LIN9: variants seen among roughly 807,000 people sequenced by gnomAD.
LIN9 encodes protein lin-9 homolog.
LIN9 carries 18 observed loss-of-function variants against 78.0 expected under a neutral mutation model. The ratio of observed to expected loss-of-function variants is 0.23; its 90% CI spans 0.16 to 0.34. The LOEUF (loss-of-function observed/expected upper bound fraction) is 0.34, where lower values mean the gene tolerates loss of function less well. Ranked by LOEUF, LIN9 falls within the 10% of genes least tolerant of loss-of-function variation. The probability of loss-of-function intolerance (pLI) is 1.00; values close to 1 mark genes in which losing one functional copy is unlikely to be tolerated. For synonymous variants in LIN9, 192 were observed against 215.2 expected (o/e 0.89, Z 0.94); for missense variants, 451 against 644.1 (o/e 0.70, Z 3.25).
intron 11 of LIN9, among the ~76,000 whole-genome samples, chr1:226,240,386 G>GTT (rs34988388): frequency 8.9e-5 from 11 of 123,980 alleles, no homozygotes; most frequent in South Asian, 2.7e-4. Context: ...CTTGTTCTAA[G>GTT]TTTTTTTTTT....
chr1:226,288,966 C>T (rs1002460124), intron 4 of LIN9, among the ~76,000 whole-genome samples: 2 of 152,150 alleles, frequency 1.3e-5, no homozygotes, highest in Admixed American at 1.3e-4. Flanking sequence ...ATGCTGGGCG[C>T]AGTGGCTCAC....
intron 2 of LIN9, among the ~76,000 whole-genome samples, chr1:226,298,756 G>A (rs1417209482): frequency 1.3e-5 from 2 of 152,008 alleles, no homozygotes; most frequent in African/African-American, 4.8e-5. Flanking sequence ...AGCTATTCAG[G>A]AGGCTGAGGC....
At chr1:226,256,214 C>G (rs1659180911) in intron 10 of LIN9, among the ~76,000 whole-genome samples, 1 of 151,782 alleles carries the variant, frequency 6.6e-6, no homozygotes, top group Non-Finnish European at 1.5e-5. Flanking sequence ...AAAACCCCAT[C>G]TCTACATACT....
chr1:226,302,557 A>AC (rs577533637), intron 1 of LIN9, among the ~76,000 whole-genome samples: 61 of 152,104 alleles, frequency 4.0e-4, no homozygotes, highest in African/African-American at 1.4e-3. Flanking sequence ...CAAAAAAAAA[A>AC]AAAAAACAAA....
At chr1:226,270,717 T>C (rs1278906072) in intron 7 of LIN9, among the ~76,000 whole-genome samples, 2 of 148,036 alleles carry the variant, frequency 1.4e-5, no homozygotes, top group East Asian at 4.0e-4. Context: ...CCCTGGAGGC[T>C]GAGGTGGGAG....
At chr1:226,287,557 A>G (rs1661448615) in intron 5 of LIN9, 107 bp downstream of exon 5, 2 of 695,364 alleles carry the variant, frequency 2.9e-6, no homozygotes. Flanking sequence ...GAATTTAGAG[A>G]AAAATAAGAT....
chr1:226,307,081 A>G (rs1326462971), intron 1 of LIN9, among the ~76,000 whole-genome samples: 1 of 152,248 alleles, frequency 6.6e-6, no homozygotes, highest in Non-Finnish European at 1.5e-5. Flanking sequence ...AAGTCCCTAC[A>G]AAGAACCACA....
At chr1:226,272,937 C>G (rs1010563035) in intron 7 of LIN9, among the ~76,000 whole-genome samples, 1 of 152,094 alleles carries the variant, frequency 6.6e-6, no homozygotes. Context: ...GTCTTTTTCT[C>G]AATCCTTTGA....
At chr1:226,241,675 G>A (rs1381618996) in intron 11 of LIN9, among the ~76,000 whole-genome samples, 2 of 152,030 alleles carry the variant, frequency 1.3e-5, no homozygotes, top group African/African-American at 2.4e-5. Context: ...TGGCTAACAC[G>A]GTGAAACCCC....
At chr1:226,260,987 T>C (rs1266179158) in intron 10 of LIN9, among the ~76,000 whole-genome samples, 1 of 151,782 alleles carries the variant, frequency 6.6e-6, no homozygotes, top group African/African-American at 2.4e-5. Context: ...GATTCAATGT[T>C]TGAAAATTAA....
intron 7 of LIN9, among the ~76,000 whole-genome samples, chr1:226,275,521 C>T (rs1660588916): frequency 6.6e-6 from 1 of 150,962 alleles, no homozygotes; most frequent in Admixed American, 6.6e-5. Context: ...TGGTGAAACC[C>T]CGTCTCTACT....
At chr1:226,255,282 A>G (rs1373443189) in intron 10 of LIN9, among the ~76,000 whole-genome samples, 2 of 152,148 alleles carry the variant, frequency 1.3e-5, no homozygotes, top group South Asian at 2.1e-4. Context: ...ATTAAGATGG[A>G]GCATTCTGTT....
chr1:226,259,666 TAAATA>T (rs1430722754), intron 10 of LIN9, among the ~76,000 whole-genome samples: 1 of 152,100 alleles, frequency 6.6e-6, no homozygotes, highest in Non-Finnish European at 1.5e-5. Context: ...AAGATATGTC[TAAATA>T]ATACGAGTCA....
At chr1:226,299,687 T>G (rs1029504824) in intron 2 of LIN9, among the ~76,000 whole-genome samples, 1 of 152,054 alleles carries the variant, frequency 6.6e-6, no homozygotes, top group Non-Finnish European at 1.5e-5. Flanking sequence ...CACAATATAG[T>G]AGCTTTAAAG....
At chr1:226,307,901 T>G (rs538416323) in intron 1 of LIN9, among the ~76,000 whole-genome samples, 1 of 152,354 alleles carries the variant, frequency 6.6e-6, no homozygotes, top group South Asian at 2.1e-4. Context: ...TGGACAAAGT[T>G]CCTTGGGGAC....
chr1:226,263,559 T>G (rs1237930076), intron 10 of LIN9, among the ~76,000 whole-genome samples: 1 of 152,200 alleles, frequency 6.6e-6, no homozygotes, highest in Non-Finnish European at 1.5e-5. Flanking sequence ...TGCTTATTGA[T>G]CTCTCTCAAA....
At chr1:226,309,265 C>T (rs1184815642), upstream of LIN9, 4 of 1,191,972 alleles carry the variant, frequency 3.4e-6, no homozygotes, top group Non-Finnish European at 4.2e-6. Context: ...GCGCTGCTCC[C>T]GCCGCGGCTG....
intron 1 of LIN9, among the ~76,000 whole-genome samples, chr1:226,304,928 G>C (rs886545914): frequency 6.6e-6 from 1 of 152,130 alleles, no homozygotes; most frequent in African/African-American, 2.4e-5. Flanking sequence ...GCCTGGCACA[G>C]TGGCTCACAC....
At chr1:226,257,185 AG>A (rs916834264) in intron 10 of LIN9, among the ~76,000 whole-genome samples, 1 of 150,714 alleles carries the variant, frequency 6.6e-6, no homozygotes, top group African/African-American at 2.4e-5. Context: ...CCTGACCTCA[AG>A]TGATCTACCC....
Sources: gnomAD v4.1 joint callset for allele counts (sites outside exome capture counted in the v4.1 genomes callset) on GRCh38, gnomAD v4.1.1 for gene constraint, MANE v1.5 for transcripts, NCBI Gene and HGNC (gene_info 2026-07-23, HGNC 2026-07-21) for gene names.